The following DLGAP2 variants were observed in gnomAD, a reference collection of about 807,000 sequenced individuals.
DLGAP2 encodes the protein DLG associated protein 2.
DLGAP2 carries 26 observed loss-of-function variants against 100.3 expected under a neutral mutation model. That is an observed-to-expected ratio of 0.26 (90% CI 0.19 to 0.36). The LOEUF (loss-of-function observed/expected upper bound fraction) is 0.36. Among genes scored for constraint, DLGAP2 ranks in the 10% least tolerant of loss-of-function variants. The pLI is 1.00. For synonymous variants in DLGAP2, 886 were observed against 630.1 expected, an observed-to-expected ratio of 1.41 and a Z score of -6.08; for missense variants, 1,858 against 1,453.2, an observed-to-expected ratio of 1.28 and a Z score of -4.53.
At chr8:1,423,031 C>T (rs752251686) in intron 3 of DLGAP2, among the ~76,000 whole-genome samples, 6 of 152,160 alleles carry the variant, frequency 3.9e-5, no homozygotes, top group Non-Finnish European at 8.8e-5. Context: ...ATACATGGTG[C>T]TCATCATAGT....
At position 1,565,845 on chromosome 8, in the gene DLGAP2, G is replaced by A. The variant is rs1351961103; in HGVS notation, c.1393G>A (p.Glu465Lys). Reference protein sequence around the residue: ...KTSPKSAILPEPLLKSIGQRP... With the variant: ...KTSPKSAILPKPLLKSIGQRP... The stretch of plus-strand genomic sequence containing the variant: ...ATCACCAAAGTCGGCAATCCTACCA[G>A]AGCCGCTGCTGAAGTCCATCGGACA... The change falls in exon 6 of 15, where the codon GAG becomes AAG. Residue 465 changes from glutamate (E) to lysine (K), a missense_variant. By Grantham distance (56) the Glu-to-Lys change is moderately conservative. Coordinates refer to ENST00000637795, the MANE Select transcript of DLGAP2 (RefSeq NM_001346810.2). 1.9e-6 allele frequency: 3 copies of A among 1,612,800 alleles called. No individual in the cohort carries two copies. In the Admixed American group the frequency reaches 5.0e-5, roughly 27 times the overall value.
chr8:1,237,537 TA>T, intron 2 of DLGAP2, among the ~76,000 whole-genome samples: 1 of 141,916 alleles, frequency 7.0e-6, no homozygotes, highest in Non-Finnish European at 1.5e-5. Context: ...GCATCGTGTC[TA>T]GTTCTCTCAC....
chr8:899,938 C>A (rs1000192488), intron 1 of DLGAP2, among the ~76,000 whole-genome samples: 2 of 152,194 alleles, frequency 1.3e-5, no homozygotes, highest in African/African-American at 4.8e-5. Context: ...CCTCCCGAGG[C>A]CAGCGGGAAC....
chr8:1,431,832 T>C (rs959244599), intron 3 of DLGAP2, among the ~76,000 whole-genome samples: 14 of 152,220 alleles, frequency 9.2e-5, no homozygotes, highest in African/African-American at 2.9e-4. Flanking sequence ...TGCCTCCGTG[T>C]CGATGGCCAC....
intron 1 of DLGAP2, among the ~76,000 whole-genome samples, chr8:858,300 A>G (rs564854264): frequency 4.1e-4 from 63 of 152,382 alleles, no homozygotes; most frequent in South Asian, 8.3e-4. Flanking sequence ...CCGTAAATGC[A>G]CGTGACTACG....
intron 1 of DLGAP2, among the ~76,000 whole-genome samples, chr8:866,076 G>A (rs1323903940): frequency 6.6e-6 from 1 of 152,172 alleles, no homozygotes; most frequent in East Asian, 1.9e-4. Flanking sequence ...GTGTTTCGGA[G>A]CCATGGTGCT....
At chr8:1,670,334 C>G (rs528037214) in intron 10 of DLGAP2, among the ~76,000 whole-genome samples, 1 of 152,368 alleles carries the variant, frequency 6.6e-6, no homozygotes, top group Non-Finnish European at 1.5e-5. Flanking sequence ...GGACCCCACA[C>G]CCCTCCGTGG....
chr8:1,243,303 G>C (rs1798837588), intron 2 of DLGAP2, among the ~76,000 whole-genome samples: 1 of 152,102 alleles, frequency 6.6e-6, no homozygotes, highest in South Asian at 2.1e-4. Flanking sequence ...GGCGGGAGCT[G>C]GTGCAGCTCT....
At chr8:1,313,548 G>T (rs1270203941) in intron 3 of DLGAP2, among the ~76,000 whole-genome samples, 1 of 152,080 alleles carries the variant, frequency 6.6e-6, no homozygotes, top group Non-Finnish European at 1.5e-5. Context: ...TAGTGAGGCT[G>T]GGTTCCTCAT....
intron 1 of DLGAP2, among the ~76,000 whole-genome samples, chr8:852,097 T>G (rs1295316131): frequency 6.6e-6 from 1 of 152,192 alleles, no homozygotes; most frequent in Non-Finnish European, 1.5e-5. Context: ...GGTGTAAATT[T>G]TGATTTCCTC....
At chr8:1,038,524 A>G (rs919303877) in intron 2 of DLGAP2, among the ~76,000 whole-genome samples, 14 of 152,206 alleles carry the variant, frequency 9.2e-5, no homozygotes, top group African/African-American at 3.4e-4. Context: ...ATAATTCTTG[A>G]GCAACATTTT....
chr8:1,601,945 G>GATGTGTGTGTGTGTGT lies in DLGAP2; in HGVS notation c.1443-24795_1443-24794insATGTGTGTGTGTGTGT, dbSNP rs1554506576. On this transcript the variant is annotated intron_variant, in intron 6 of 14. Transcript: ENST00000637795. The stretch of plus-strand genomic sequence containing the variant: ...TGATCCTAAAACCTTAATTTAACAG[G>GATGTGTGTGTGTGTGT]GTGTGTGTGTGTGTGTGTGTGTGTG... 2.0e-3 allele frequency among the ~76,000 whole-genome samples: 297 copies of GATGTGTGTGTGTGTGT among 146,450 alleles called. 1 individual carries two copies. The highest frequency in any genetic ancestry group is 3.7e-3 in the African/African-American group (147 of 39,336).
intron 3 of DLGAP2, among the ~76,000 whole-genome samples, chr8:1,424,193 T>A (rs1797177925): frequency 6.6e-6 from 1 of 152,188 alleles, no homozygotes; most frequent in Non-Finnish European, 1.5e-5. Context: ...TTGAGAGACC[T>A]CTAGAAATTC....
At chr8:1,154,260 A>G (rs571836009) in intron 2 of DLGAP2, among the ~76,000 whole-genome samples, 1 of 152,186 alleles carries the variant, frequency 6.6e-6, no homozygotes, top group Non-Finnish European at 1.5e-5. Context: ...AAATGACACT[A>G]ATGTCAGGTT....
chr8:1,470,775 A>ACCC (rs1563168449), intron 3 of DLGAP2, among the ~76,000 whole-genome samples: 4 of 75,996 alleles, frequency 5.3e-5, no homozygotes, highest in Non-Finnish European at 9.5e-5. Flanking sequence ...GCCTTTCCCG[A>ACCC]CTCCCCCAGC....
At chr8:1,107,941 C>G (rs945725023) in intron 2 of DLGAP2, among the ~76,000 whole-genome samples, 1 of 152,158 alleles carries the variant, frequency 6.6e-6, no homozygotes, top group African/African-American at 2.4e-5. Context: ...GAACGTAACC[C>G]TGGGTTGTGG....
chr8:1,124,311 G>T (rs986204759), intron 2 of DLGAP2, among the ~76,000 whole-genome samples: 2 of 152,312 alleles, frequency 1.3e-5, no homozygotes, highest in Admixed American at 1.3e-4. Context: ...TCTGCTTCCA[G>T]AAGGGTTTCC....
intron 6 of DLGAP2, among the ~76,000 whole-genome samples, chr8:1,573,462 A>T (rs976138472): frequency 6.6e-6 from 1 of 151,876 alleles, no homozygotes; most frequent in African/African-American, 2.4e-5. Context: ...ATCTAATGGG[A>T]TTGAGAAGAC....
At chr8:1,150,449 G>A (rs1441189983) in intron 2 of DLGAP2, among the ~76,000 whole-genome samples, 1 of 152,212 alleles carries the variant, frequency 6.6e-6, no homozygotes, top group Admixed American at 6.5e-5. Flanking sequence ...TTGTATCCAT[G>A]TGTTCTGTGT....
Sources: allele counts gnomAD v4.1 joint callset (sites outside exome capture counted in the v4.1 genomes callset), GRCh38; gene constraint gnomAD v4.1.1; transcripts MANE v1.5; gene names NCBI Gene and HGNC (gene_info 2026-07-23, HGNC 2026-07-21).